The following EFCAB6 variants were observed in gnomAD, a reference collection of about 807,000 sequenced individuals.
EFCAB6 encodes EF-hand calcium-binding domain-containing protein 6.
In EFCAB6, 156 loss-of-function variants were observed where a neutral mutation model predicts 169.8. The ratio of observed to expected loss-of-function variants is 0.92; its 90% CI spans 0.81 to 1.05. The LOEUF (loss-of-function observed/expected upper bound fraction) is 1.05. Ranked by LOEUF, EFCAB6 falls within the 50% of genes least tolerant of loss-of-function variation. EFCAB6 has a pLI of 0.00. For missense variants in EFCAB6, 1,800 were observed against 1,829.1 expected (o/e 0.98, Z 0.29); for synonymous variants, 698 against 676.4 (o/e 1.03, Z -0.50).
intron 10 of EFCAB6, among the ~76,000 whole-genome samples, chr22:43,699,762 CAAT>C (rs1198421175): frequency 2.0e-5 from 3 of 152,168 alleles, no homozygotes; most frequent in Non-Finnish European, 2.9e-5. Context: ...ACCACGGTTT[CAAT>C]AATAACTGAA....
intron 25 of EFCAB6, among the ~76,000 whole-genome samples, chr22:43,578,024 A>T (rs1050113616): frequency 1.3e-4 from 20 of 152,180 alleles, no homozygotes; most frequent in African/African-American, 4.8e-4. Context: ...TCCTCAGAAG[A>T]AGTCATGGGC....
chr22:43,779,527 G>A (rs1292996166), intron 3 of EFCAB6, among the ~76,000 whole-genome samples: 1 of 152,108 alleles, frequency 6.6e-6, no homozygotes, highest in African/African-American at 2.4e-5. Flanking sequence ...GGATCACAAG[G>A]TCAAGAGATC....
At chr22:43,600,469 C>A (rs150025161) in intron 22 of EFCAB6, among the ~76,000 whole-genome samples, 1 of 152,082 alleles carries the variant, frequency 6.6e-6, no homozygotes, top group Non-Finnish European at 1.5e-5. Flanking sequence ...TGATCCGATC[C>A]GCATCCTCAT....
chr22:43,777,587 A>G (rs1177066591), intron 3 of EFCAB6, among the ~76,000 whole-genome samples: 1 of 152,140 alleles, frequency 6.6e-6, no homozygotes, highest in Non-Finnish European at 1.5e-5. Flanking sequence ...TCAGCCAGTG[A>G]GCACTCTTTC....
chr22:43,736,324 GT>G (rs1367821781), intron 6 of EFCAB6, among the ~76,000 whole-genome samples: 2 of 152,142 alleles, frequency 1.3e-5, no homozygotes, highest in Non-Finnish European at 2.9e-5. Flanking sequence ...AAAAACTACA[GT>G]TCTGGCATGG....
chr22:43,746,112 A>G (rs1332045215), intron 6 of EFCAB6, among the ~76,000 whole-genome samples: 2 of 152,176 alleles, frequency 1.3e-5, no homozygotes, highest in East Asian at 3.8e-4. Context: ...CAAACTTCCA[A>G]TCCGGGGACA....
At chr22:43,800,300 CA>C (rs2062660130) in intron 2 of EFCAB6, among the ~76,000 whole-genome samples, 1 of 152,156 alleles carries the variant, frequency 6.6e-6, no homozygotes, top group South Asian at 2.1e-4. Flanking sequence ...CCAACAACTA[CA>C]GCGGAAAAGG....
At chr22:43,543,366 T>A (rs1397449996) in intron 27 of EFCAB6, among the ~76,000 whole-genome samples, 1 of 152,150 alleles carries the variant, frequency 6.6e-6, no homozygotes. Flanking sequence ...TCCTCGCACC[T>A]CTGCTGGTGC....
chr22:43,632,171 G>C lies in EFCAB6; in HGVS notation c.2166C>G (p.Asn722Lys). 6.2e-7 allele frequency: 1 copy of C among 1,614,112 alleles called. No homozygotes were observed. ...ATTCTTCTGCGGTGATAAAGTGGCT[G>C]TTCACGTAACTTTTTGAAGGAGTTG... ...QPPTPSKSYVNSHFITAEECL... is the reference protein window; with the variant it reads ...QPPTPSKSYVKSHFITAEECL... Residue 722 changes from asparagine (N) to lysine (K), a missense_variant, in exon 19 of 32, where the codon AAC becomes AAG. Asn to Lys is a moderately conservative substitution (Grantham distance 94, BLOSUM62 0). Transcript: ENST00000262726.
At chr22:43,655,774 G>A (rs937945702) in intron 17 of EFCAB6, among the ~76,000 whole-genome samples, 3 of 152,040 alleles carry the variant, frequency 2.0e-5, no homozygotes, top group Non-Finnish European at 4.4e-5. Flanking sequence ...TAACCAGATA[G>A]TTTGAAAGCA....
chr22:43,811,879 GGAA>G (rs1202667119), intron 1 of EFCAB6, among the ~76,000 whole-genome samples: 1 of 152,060 alleles, frequency 6.6e-6, no homozygotes, highest in Non-Finnish European at 1.5e-5. Flanking sequence ...AGAGAGGCAG[GGAA>G]GAAGACGTCA....
At chr22:43,760,756 T>G (rs1286766414) in intron 5 of EFCAB6, among the ~76,000 whole-genome samples, 1 of 151,900 alleles carries the variant, frequency 6.6e-6, no homozygotes, top group African/African-American at 2.4e-5. Flanking sequence ...GCTCCTGGGT[T>G]CAAGTGATTC....
At chr22:43,758,137 C>T (rs575571082) in intron 5 of EFCAB6, among the ~76,000 whole-genome samples, 1 of 151,738 alleles carries the variant, frequency 6.6e-6, no homozygotes, top group African/African-American at 2.4e-5. Flanking sequence ...TATCCTTTTT[C>T]TTTTAGTCTT....
intron 26 of EFCAB6, among the ~76,000 whole-genome samples, chr22:43,574,282 G>A (rs537510480): frequency 6.6e-6 from 1 of 151,992 alleles, no homozygotes; most frequent in Non-Finnish European, 1.5e-5. Context: ...TATACACACT[G>A]TCATCTCCAC....
chr22:43,797,285 G>C lies in EFCAB6; in HGVS notation c.-8+11710C>G, dbSNP rs550901355. On this transcript the variant is annotated intron_variant, in intron 2 of 31. Coordinates refer to ENST00000262726, the MANE Select transcript of EFCAB6 (RefSeq NM_022785.4). ...CCTGAGAGGGTGCTGCTGCCTTTGGGAGCATTTGTTTTGGTGCTATTTCGT... is the reference window on the plus strand; with the variant it reads ...CCTGAGAGGGTGCTGCTGCCTTTGGCAGCATTTGTTTTGGTGCTATTTCGT... 645 of 152,742 alleles carry C rather than the reference G, an allele frequency of 4.2e-3. 3 individuals are homozygous for C. The highest frequency in any genetic ancestry group is 0.031 in the Middle Eastern group (9 of 294). The allele number at this position is 152,742 out of a possible 1,614,324, so 9.5% of individuals were successfully genotyped here.
At chr22:43,786,601 A>G (rs1284834622) in intron 2 of EFCAB6, among the ~76,000 whole-genome samples, 1 of 152,026 alleles carries the variant, frequency 6.6e-6, no homozygotes, top group Non-Finnish European at 1.5e-5. Flanking sequence ...GGGCACCTGT[A>G]GTCCCAGCTA....
At chr22:43,702,055 T>C (rs2058785404) in intron 10 of EFCAB6, among the ~76,000 whole-genome samples, 1 of 152,070 alleles carries the variant, frequency 6.6e-6, no homozygotes, top group Non-Finnish European at 1.5e-5. Flanking sequence ...CCCAGGTACA[T>C]GGGAAGGTCC....
chr22:43,665,939 G>A (rs1326728838), intron 17 of EFCAB6, among the ~76,000 whole-genome samples: 1 of 151,996 alleles, frequency 6.6e-6, no homozygotes, highest in African/African-American at 2.4e-5. Context: ...AGGCGTGCGT[G>A]ACCACACCTG....
chr22:43,703,927 A>G (rs927483665), intron 10 of EFCAB6, among the ~76,000 whole-genome samples: 2 of 152,154 alleles, frequency 1.3e-5, no homozygotes, highest in African/African-American at 2.4e-5. Flanking sequence ...AGCAGAAGAA[A>G]AAAAGCCTAG....
Sources: allele counts gnomAD v4.1 joint callset (sites outside exome capture counted in the v4.1 genomes callset), GRCh38; gene constraint gnomAD v4.1.1; transcripts MANE v1.5; gene names NCBI Gene and HGNC (gene_info 2026-07-23, HGNC 2026-07-21).